The following AGO4 variants were observed in gnomAD, a reference collection of about 807,000 sequenced individuals.
The protein encoded by AGO4 is argonaute RISC component 4, also known as protein argonaute-4.
Under a neutral mutation model 104.7 loss-of-function variants are expected in AGO4, and 33 were observed. The observed-to-expected ratio is 0.32, with a 90% CI of 0.24 to 0.42. AGO4 has a LOEUF of 0.42. Ranked by LOEUF, AGO4 falls within the 10% of genes least tolerant of loss-of-function variation. The pLI is 1.00. For synonymous variants in AGO4, 331 were observed against 364.7 expected, an observed-to-expected ratio of 0.91 and a Z score of 1.05; for missense variants, 711 against 1,083.4, an observed-to-expected ratio of 0.66 and a Z score of 4.83.
chr1:35,821,607 T>C (rs1414678279), intron 2 of AGO4, among the ~76,000 whole-genome samples: 5 of 152,192 alleles, frequency 3.3e-5, no homozygotes, highest in African/African-American at 1.2e-4. Flanking sequence ...TTCTGCATGC[T>C]TGATTGAGAA....
intron 15 of AGO4, among the ~76,000 whole-genome samples, chr1:35,849,375 T>A (rs970381787): frequency 1.3e-5 from 2 of 152,026 alleles, no homozygotes; most frequent in Admixed American, 1.3e-4. Context: ...TGACTTTTTT[T>A]TTATTATTAA....
In AGO4 at chr1:35,834,002, C is replaced by A; in HGVS notation, c.1392C>A (p.Asp464Glu). The A allele has an allele frequency of 6.4e-7, 1 of 1,569,146 alleles. No homozygotes were observed. The highest frequency in any genetic ancestry group is 8.6e-7 in the Non-Finnish European group (1 of 1,156,730). Reference protein sequence around the residue: ...CREDLLKSFTDQLRKISKDAG... With the variant: ...CREDLLKSFTEQLRKISKDAG... ...TCTATTTTAACAGGAGTTTCACTGA[C>A]CAGCTGCGTAAAATCTCTAAGGATG... The change falls in exon 12 of 18, where the codon GAC (aspartate) becomes GAA (glutamate). Residue 464 changes from aspartate to glutamate, a missense_variant. Transcript: ENST00000373210.
At chr1:35,829,675 A>G (rs1021165932) in intron 7 of AGO4, among the ~76,000 whole-genome samples, 1 of 151,812 alleles carries the variant, frequency 6.6e-6, no homozygotes, top group East Asian at 1.9e-4. Context: ...TGTCTCTACT[A>G]AAAATACAAA....
chr1:35,843,162 T>G (rs1571304153), intron 15 of AGO4, among the ~76,000 whole-genome samples: 1 of 151,818 alleles, frequency 6.6e-6, no homozygotes, highest in African/African-American at 2.4e-5. Flanking sequence ...CCTCCCGAGG[T>G]TCAAGCGATT....
chr1:35,808,374 G>C lies in AGO4; in HGVS notation c.-43G>C, dbSNP rs2148642225. The C allele has an allele frequency of 9.6e-7, 1 of 1,046,394 alleles. No individual in the cohort carries two copies. Among genetic ancestry groups the C allele is most frequent in the Middle Eastern group, 4.5e-4 (1 of 2,224 alleles). 64.8% of individuals were successfully genotyped at this position (1,046,394 alleles called of 1,614,324 possible). ...CGGCGGCGGCGGCGGGGCCCGGAGC[G>C]GGAGGCGCCGGGGACCGGGGCGAGG... On this transcript the variant is annotated 5_prime_UTR_variant, in exon 1 of 18. Transcript: ENST00000373210. The surrounding 1 kb of genome is among the most constrained non-coding windows in gnomAD (Gnocchi z 5.2).
At chr1:35,853,425 TTTGTTG>T (rs913923135) in intron 17 of AGO4, 66 bp from the exon 18 acceptor site, 8 of 1,426,076 alleles carry the variant, frequency 5.6e-6, no homozygotes, top group Non-Finnish European at 7.7e-6. Flanking sequence ...TTTTTGTTTT[TTTGTTG>T]TTGTTGTTTT....
chr1:35,822,225 C>T (rs1369724253), intron 2 of AGO4, among the ~76,000 whole-genome samples: 2 of 151,270 alleles, frequency 1.3e-5, no homozygotes, highest in Non-Finnish European at 2.9e-5. Context: ...AGTGATGTAC[C>T]TCCGTGTCAA....
intron 12 of AGO4, among the ~76,000 whole-genome samples, chr1:35,835,243 G>A (rs1312648371): frequency 6.6e-6 from 1 of 151,978 alleles, no homozygotes; most frequent in Admixed American, 6.6e-5. Context: ...TTTTAGTAGA[G>A]ATGGGGTTTC....
chr1:35,810,987 C>A (rs1643482777), intron 1 of AGO4, among the ~76,000 whole-genome samples: 1 of 150,206 alleles, frequency 6.7e-6, no homozygotes. Context: ...TAAAAATTAG[C>A]TGGCTAAAAA....
At chr1:35,848,478 T>C (rs1644625172) in intron 15 of AGO4, among the ~76,000 whole-genome samples, 1 of 152,152 alleles carries the variant, frequency 6.6e-6, no homozygotes, top group African/African-American at 2.4e-5. Flanking sequence ...AAGGCAAGTT[T>C]ATTAGTTCTC....
chr1:35,852,192 G>A (rs1353138292), intron 17 of AGO4, among the ~76,000 whole-genome samples: 3 of 152,172 alleles, frequency 2.0e-5, no homozygotes, highest in South Asian at 2.1e-4. Context: ...AAGCAAGACC[G>A]TGTTTGTTAA....
In AGO4 at chr1:35,853,975, TTTTCTGTA is replaced by T. The variant is rs1644765467; in HGVS notation, c.*371_*378del. On this transcript the variant is annotated 3_prime_UTR_variant, in exon 18 of 18. Transcript: ENST00000373210. ...GTCTTAGAAGAGAAGATTATTCCTT[TTTTCTGTA>T]GTCATTGAGTGGGGTATATGCATAA... 6.3e-6 allele frequency: 1 copy of T among 159,518 alleles called. No individual in the cohort carries two copies. The highest frequency in any genetic ancestry group is 6.4e-5 in the Admixed American group (1 of 15,708). 9.9% of individuals were successfully genotyped at this position (159,518 alleles called of 1,614,324 possible).
In AGO4 at chr1:35,851,043, GATC is replaced by G. The variant is rs772201867; in HGVS notation, c.2470_2472del (p.His824del). ...GGCAAGGTATCATCTGGTGGATAAA[GATC>G]ATGACAGGCAAGTTTCTTAGGCACA... is the stretch of plus-strand genomic sequence containing the variant. On this transcript the variant is annotated inframe_deletion, in exon 17 of 18. Coordinates refer to ENST00000373210, the MANE Select transcript of AGO4 (RefSeq NM_017629.4). The G allele has an allele frequency of 6.2e-7, 1 of 1,610,338 alleles. No homozygotes were observed. The highest frequency in any genetic ancestry group is 1.1e-5 in the South Asian group (1 of 90,638).
chr1:35,835,694 A>C (rs1399960986), intron 12 of AGO4, 140 bp from the exon 13 acceptor site: 2 of 623,448 alleles, frequency 3.2e-6, no homozygotes, highest in Non-Finnish European at 4.8e-6. Context: ...AGCAGATAAA[A>C]GGAAGACACA....
intron 7 of AGO4, 51 bp downstream of exon 7, chr1:35,826,886 G>A (rs781073016): frequency 6.4e-7 from 1 of 1,572,800 alleles, no homozygotes; most frequent in South Asian, 1.1e-5. Context: ...GTAACAGAGG[G>A]AGCTACTATA....
intron 3 of AGO4, among the ~76,000 whole-genome samples, chr1:35,824,949 A>C (rs1023513752): frequency 6.6e-6 from 1 of 152,106 alleles, no homozygotes; most frequent in South Asian, 2.1e-4. Flanking sequence ...CCCATACCCT[A>C]CTGTCCCTGG....
chr1:35,810,071 CTTAGTGGT>C (rs1643450765), intron 1 of AGO4, among the ~76,000 whole-genome samples: 1 of 151,944 alleles, frequency 6.6e-6, no homozygotes, highest in Non-Finnish European at 1.5e-5. Flanking sequence ...GGTTTGAGGA[CTTAGTGGT>C]TCACTCAGGA....
chr1:35,826,733 T>TA lies in AGO4; in HGVS notation c.761-7dup, dbSNP rs925163442. 5 of 1,610,962 alleles carry TA rather than the reference T, an allele frequency of 3.1e-6. No homozygotes were observed. Among genetic ancestry groups the TA allele is most frequent in the Non-Finnish European group, 4.2e-6 (5 of 1,177,590 alleles). On this transcript the variant is annotated splice_polypyrimidine_tract_variant and intron_variant, in intron 6 of 17. Transcript: ENST00000373210. ...TTTAATTAACTGATGTTTTGCCTTT[T>TA]AAAAAAAATTTCAGGTCTCAAAGTT...
At chr1:35,825,043 T>C (rs1275464619) in intron 3 of AGO4, among the ~76,000 whole-genome samples, 1 of 152,174 alleles carries the variant, frequency 6.6e-6, no homozygotes, top group Non-Finnish European at 1.5e-5. Flanking sequence ...ATGAAATATT[T>C]GTCTTTTTGT....
Sources: allele counts gnomAD v4.1 joint callset (sites outside exome capture counted in the v4.1 genomes callset), GRCh38; gene constraint gnomAD v4.1.1; non-coding constraint Gnocchi (gnomAD v3.1); transcripts MANE v1.5; gene names NCBI Gene and HGNC (gene_info 2026-07-23, HGNC 2026-07-21).